The following PRR5 variants were observed in gnomAD, a reference collection of about 807,000 sequenced individuals.
PRR5 encodes the protein proline rich 5, also known as proline-rich protein 5.
Under a neutral mutation model 30.6 loss-of-function variants are expected in PRR5, and 25 were observed. That is an observed-to-expected ratio of 0.82 (90% confidence interval 0.60 to 1.14). The LOEUF (loss-of-function observed/expected upper bound fraction) is 1.14, where lower values mean the gene tolerates loss of function less well. Among genes scored for constraint, PRR5 ranks in the 50% most tolerant of loss-of-function variants. PRR5 has a pLI of 0.00. For synonymous variants in PRR5, 286 were observed against 247.1 expected (o/e 1.16, Z -1.48); for missense variants, 600 against 547.1 (o/e 1.10, Z -0.96).
intron 4 of PRR5, chr22:44,729,355 G>A (rs1359884681): frequency 1.0e-6 from 1 of 985,330 alleles, no homozygotes; most frequent in Non-Finnish European, 1.2e-6. Flanking sequence ...AGAAAGGAAA[G>A]ACGGACACCA....
chr22:44,699,468 G>A (rs1242073156), upstream of PRR5, among the ~76,000 whole-genome samples: 4 of 152,250 alleles, frequency 2.6e-5, no homozygotes, highest in East Asian at 1.9e-4. Flanking sequence ...TGGCCATGAC[G>A]GAGATTCTCG....
In PRR5 at chr22:44,681,360, C is replaced by T. The variant is rs190264928; in HGVS notation, c.-11+4120C>T. Among the ~76,000 whole-genome samples the T allele has an allele frequency of 1.6e-3, 236 of 152,196 alleles. 1 individual carries two copies. The highest frequency in any genetic ancestry group is 3.9e-3 in the East Asian group (20 of 5,168). On this transcript the variant is annotated intron_variant, in intron 1 of 8. Transcript: ENST00000006251. ...ATCCCAGAACTTTGGGAGGCCGAGG[C>T]GGGCAGATCATGAGGTCAGCAGTTT...
chr22:44,700,278 A>G (rs867569398), upstream of PRR5, among the ~76,000 whole-genome samples: 58 of 152,220 alleles, frequency 3.8e-4, no homozygotes, highest in African/African-American at 1.3e-3. Flanking sequence ...AGCCTGGCCA[A>G]CATGGTGAAA....
At chr22:44,709,036 G>A (rs201245397) in intron 1 of PRR5, among the ~76,000 whole-genome samples, 227 of 151,380 alleles carry the variant, frequency 1.5e-3, no homozygotes, top group African/African-American at 5.2e-3. Flanking sequence ...GATTTGGGAC[G>A]GAAGCTGGGA....
At chr22:44,679,575 C>T (rs1601948103) in intron 1 of PRR5, 5 of 414,286 alleles carry the variant, frequency 1.2e-5, no homozygotes, top group East Asian at 4.3e-5. Flanking sequence ...GGCATTGTGG[C>T]GCATGCCTGT....
At chr22:44,717,646 A>C (rs1177501553) in intron 2 of PRR5, among the ~76,000 whole-genome samples, 2 of 151,428 alleles carry the variant, frequency 1.3e-5, no homozygotes, top group Non-Finnish European at 2.9e-5. Flanking sequence ...GTAGCCCTTC[A>C]CGCCTGGCTT....
intron 1 of PRR5, among the ~76,000 whole-genome samples, chr22:44,694,988 C>T (rs1925618312): frequency 6.6e-6 from 1 of 151,942 alleles, no homozygotes; most frequent in South Asian, 2.1e-4. Flanking sequence ...CTGGCCGACA[C>T]GATGAAACCC....
intron 1 of PRR5, among the ~76,000 whole-genome samples, chr22:44,704,659 C>G (rs1356890531): frequency 6.6e-6 from 1 of 152,042 alleles, no homozygotes; most frequent in Non-Finnish European, 1.5e-5. Flanking sequence ...AGGCCAGCCC[C>G]GTTCACTGCC....
intron 3 of PRR5, 112 bp from the exon 4 acceptor site, chr22:44,726,465 C>A: frequency 6.7e-7 from 1 of 1,491,386 alleles, no homozygotes; most frequent in Non-Finnish European, 9.1e-7. Flanking sequence ...GAGTCTCCTC[C>A]CCCTTTAAGC....
intron 1 of PRR5, among the ~76,000 whole-genome samples, chr22:44,710,180 G>A (rs192968553): frequency 1.3e-5 from 2 of 152,148 alleles, no homozygotes; most frequent in Non-Finnish European, 2.9e-5. Flanking sequence ...AGCCCCTAGG[G>A]CCTCAGCCCT....
Position 44,702,535 on chromosome 22 carries a change from A to G in PRR5, c.61A>G (p.Arg21Gly), listed in dbSNP as rs1486406837. ...SSPSLSDLGK[R>G]EPAAAADERG... ...GCCCAGCCTCAGTGACCTGGGCAAG[A>G]GAGAGCCGGCCGCCGCCGCGGACGA... Residue 21 changes from arginine to glycine, a missense_variant, in exon 1 of 8, where the codon AGA becomes GGA. Transcript: ENST00000336985. 5 of 1,461,024 alleles carry G rather than the reference A, an allele frequency of 3.4e-6. No homozygotes were observed. The African/African-American group carries it at 7.4e-5, about 22-fold the overall frequency. The allele number at this position is 1,461,024 out of a possible 1,614,324, so 90.5% of individuals were successfully genotyped here.
rs1232506613 is a variant in PRR5, at chr22:44,721,196, AC to A, written c.216-4047del. 3.3e-5 allele frequency among the ~76,000 whole-genome samples: 5 copies of A among 152,300 alleles called. No individual in the cohort carries two copies. The South Asian group carries it at 1.0e-3, about 32-fold the overall frequency. On this transcript the variant is annotated intron_variant, in intron 2 of 7. Transcript: ENST00000336985. The stretch of plus-strand genomic sequence containing the variant: ...AACAAAGCAAGGAAAGAATTAAGGA[AC>A]AAAAGCAGAGATTTATTGAAAACGA...
rs184261450 is a variant in PRR5, at chr22:44,677,401, C to A, written c.-11+161C>A. ...GTGCCCCTGCCCCGGAGGAGCCCCA[C>A]TCCGTTTCAGCCCTGAATCAGGACT... On this transcript the variant is annotated intron_variant, in intron 1 of 8. Coordinates refer to the PRR5 transcript ENST00000006251. Among the ~76,000 whole-genome samples, 776 of 152,352 alleles carry A rather than the reference C, an allele frequency of 5.1e-3. 5 individuals are homozygous for A. Among genetic ancestry groups the A allele is most frequent in the Middle Eastern group, 0.01 (3 of 294 alleles).
chr22:44,715,217 G>A (rs569189853), intron 2 of PRR5, among the ~76,000 whole-genome samples: 1 of 152,254 alleles, frequency 6.6e-6, no homozygotes, highest in South Asian at 2.1e-4. Flanking sequence ...AGGGAGTCTA[G>A]GGTTGCCATT....
intron 4 of PRR5, chr22:44,729,600 CG>C (rs1921544411): frequency 1.0e-6 from 1 of 985,344 alleles, no homozygotes; most frequent in Non-Finnish European, 1.2e-6. Flanking sequence ...CCACTGAGTC[CG>C]CCTGGAGGAA....
At chr22:44,721,325 A>T (rs1929902889) in intron 2 of PRR5, among the ~76,000 whole-genome samples, 3 of 152,178 alleles carry the variant, frequency 2.0e-5, no homozygotes, top group Admixed American at 1.3e-4. Context: ...TACTTGGTGT[A>T]CACCCTATGT....
intron 2 of PRR5, among the ~76,000 whole-genome samples, chr22:44,720,184 C>G (rs1929715013): frequency 6.6e-6 from 1 of 152,248 alleles, no homozygotes; most frequent in African/African-American, 2.4e-5. Context: ...CAGCTCAGCT[C>G]AGGCCAGGTG....
upstream of PRR5, among the ~76,000 whole-genome samples, chr22:44,697,897 T>C (rs1169821946): frequency 6.6e-6 from 1 of 152,200 alleles, no homozygotes; most frequent in African/African-American, 2.4e-5. Flanking sequence ...GTATCATGCC[T>C]ATAGTACCCC....
chr22:44,686,425 C>G (rs1483803806), intron 1 of PRR5, among the ~76,000 whole-genome samples: 1 of 152,036 alleles, frequency 6.6e-6, no homozygotes, highest in Non-Finnish European at 1.5e-5. Flanking sequence ...CAACGTGTGC[C>G]TCCCGGGATC....
Sources: allele counts gnomAD v4.1 joint callset (sites outside exome capture counted in the v4.1 genomes callset), GRCh38; gene constraint gnomAD v4.1.1; transcripts MANE v1.5; gene names NCBI Gene and HGNC (gene_info 2026-07-23, HGNC 2026-07-21).